KPNA6: variants seen among roughly 807,000 people sequenced by gnomAD.
KPNA6 encodes importin subunit alpha-7.
A neutral mutation model predicts 72.0 loss-of-function variants in KPNA6; 9 were observed. That is an observed-to-expected ratio of 0.13 (90% CI 0.08 to 0.22). KPNA6 has a LOEUF of 0.22. Among genes scored for constraint, KPNA6 ranks in the 10% least tolerant of loss-of-function variants. The pLI, the probability that KPNA6 is intolerant of heterozygous loss-of-function variation, is 1.00. For missense variants in KPNA6, 374 were observed against 655.7 expected (o/e 0.57, Z 4.69); for synonymous variants, 219 against 242.1 (o/e 0.90, Z 0.89).
At chr1:32,140,159 C>CGGAT (rs1641812660) in intron 1 of KPNA6, among the ~76,000 whole-genome samples, 1 of 151,976 alleles carries the variant, frequency 6.6e-6, no homozygotes, top group African/African-American at 2.4e-5. Context: ...CCGAGGCAGG[C>CGGAT]GGATCACAAG....
chr1:32,172,699 G>A lies in KPNA6; in HGVS notation c.*1805G>A, dbSNP rs2124106284. The A allele has an allele frequency of 5.8e-6, 1 of 173,626 alleles. No homozygotes were observed. Among genetic ancestry groups the A allele is most frequent in the African/African-American group, 2.4e-5 (1 of 42,474 alleles). 10.8% of individuals were successfully genotyped at this position (173,626 alleles called of 1,614,324 possible). On this transcript the variant is annotated 3_prime_UTR_variant, in exon 14 of 14. Transcript: ENST00000373625. ...TAGTAAAGCCCACCTGTTTGGATGG[G>A]AGTAGAGGAAGTTGGTGTAGACCAG...
At chr1:32,166,050 A>ACAT in intron 10 of KPNA6, 55 bp from the exon 11 acceptor site, 1 of 1,547,972 alleles carries the variant, frequency 6.5e-7, no homozygotes, top group Admixed American at 2.2e-5. Context: ...AAAACATAAA[A>ACAT]AAAATTAAAA....
chr1:32,151,403 G>C (rs1038391410), intron 1 of KPNA6, among the ~76,000 whole-genome samples: 1 of 152,186 alleles, frequency 6.6e-6, no homozygotes, highest in Non-Finnish European at 1.5e-5. Flanking sequence ...CAGCTTCTCA[G>C]TTGCCCTTTG....
chr1:32,112,395 T>C (rs1641256724), intron 1 of KPNA6, among the ~76,000 whole-genome samples: 1 of 152,202 alleles, frequency 6.6e-6, no homozygotes, highest in Non-Finnish European at 1.5e-5. Context: ...GTCACATGAA[T>C]TTTTCTGTTT....
intron 1 of KPNA6, among the ~76,000 whole-genome samples, chr1:32,128,069 T>A (rs1348895017): frequency 6.6e-6 from 1 of 152,090 alleles, no homozygotes; most frequent in Non-Finnish European, 1.5e-5. Context: ...ATTTTCCTAC[T>A]TTAATTCGTT....
chr1:32,136,127 TAAAC>T (rs1347388526), intron 1 of KPNA6, among the ~76,000 whole-genome samples: 12 of 151,994 alleles, frequency 7.9e-5, no homozygotes, highest in East Asian at 7.8e-4. Context: ...TTTCAAAAAT[TAAAC>T]AAACATTAAA....
At chr1:32,129,609 G>A (rs944649379) in intron 1 of KPNA6, among the ~76,000 whole-genome samples, 8 of 152,118 alleles carry the variant, frequency 5.3e-5, no homozygotes, top group African/African-American at 1.9e-4. Context: ...AGGCTGGAGT[G>A]CAGTAGCGCC....
Position 32,173,340 on chromosome 1 carries a change from TG to T in KPNA6, c.*2447del, listed in dbSNP as rs754286327. 5.3e-6 allele frequency: 2 copies of T among 378,664 alleles called. No homozygotes were observed. Among genetic ancestry groups the T allele is most frequent in the African/African-American group, 4.2e-5 (2 of 48,188 alleles). 23.5% of individuals were successfully genotyped at this position (378,664 alleles called of 1,614,324 possible). ...GACATACACATCCTGCTTGTCCAGCTGTTCCTCCAAAATCTACTTTGGCTTC... is the reference window on the plus strand; with the variant it reads ...GACATACACATCCTGCTTGTCCAGCTTTCCTCCAAAATCTACTTTGGCTTC... On this transcript the variant is annotated 3_prime_UTR_variant, in exon 14 of 14. Transcript: ENST00000373625.
chr1:32,152,906 C>T (rs1490445999), intron 1 of KPNA6, among the ~76,000 whole-genome samples: 2 of 147,370 alleles, frequency 1.4e-5, no homozygotes, highest in African/African-American at 2.5e-5. Context: ...ATCCCAGCTG[C>T]TTGGGAGGCT....
intron 1 of KPNA6, among the ~76,000 whole-genome samples, chr1:32,112,024 C>T (rs1316049212): frequency 4.6e-5 from 7 of 152,182 alleles, no homozygotes; most frequent in Admixed American, 4.6e-4. Context: ...AAACTCTAAA[C>T]CAATCATTGT....
chr1:32,123,804 G>C (rs1302713424), intron 1 of KPNA6, among the ~76,000 whole-genome samples: 5 of 149,774 alleles, frequency 3.3e-5, no homozygotes, highest in Non-Finnish European at 7.4e-5. Flanking sequence ...GGGAGGCCAA[G>C]GCAGGTGGAT....
intron 3 of KPNA6, among the ~76,000 whole-genome samples, 159 bp downstream of exon 3, chr1:32,157,104 A>C (rs1007605221): frequency 6.6e-6 from 1 of 152,226 alleles, no homozygotes; most frequent in African/African-American, 2.4e-5. Context: ...CAAAGATTCA[A>C]CTTTGTTAGA....
At chr1:32,122,002 G>A (rs551735539) in intron 1 of KPNA6, among the ~76,000 whole-genome samples, 130 of 151,076 alleles carry the variant, frequency 8.6e-4, no homozygotes, top group African/African-American at 2.9e-3. Context: ...GGCTGGGCGC[G>A]GTGGCTCACG....
At chr1:32,129,115 C>CCT (rs369152517) in intron 1 of KPNA6, among the ~76,000 whole-genome samples, 1 of 150,846 alleles carries the variant, frequency 6.6e-6, no homozygotes, top group Non-Finnish European at 1.5e-5. Flanking sequence ...TATTTCCCTC[C>CCT]CTCTCTCTCT....
chr1:32,139,592 C>G (rs1641803245), intron 1 of KPNA6, among the ~76,000 whole-genome samples: 1 of 152,136 alleles, frequency 6.6e-6, no homozygotes, highest in African/African-American at 2.4e-5. Flanking sequence ...TAACACAAAA[C>G]TAGAATGTGA....
At chr1:32,148,346 G>A (rs1361669767) in intron 1 of KPNA6, among the ~76,000 whole-genome samples, 1 of 151,654 alleles carries the variant, frequency 6.6e-6, no homozygotes, top group Non-Finnish European at 1.5e-5. Flanking sequence ...GTTTCACCCT[G>A]TTGGCCAGGC....
chr1:32,139,021 G>A (rs1006640376), intron 1 of KPNA6, among the ~76,000 whole-genome samples: 1 of 152,108 alleles, frequency 6.6e-6, no homozygotes, highest in African/African-American at 2.4e-5. Context: ...CCAGTCACAA[G>A]GAAGGTTTCT....
intron 1 of KPNA6, among the ~76,000 whole-genome samples, chr1:32,132,897 C>T (rs1308046119): frequency 1.3e-5 from 2 of 151,732 alleles, no homozygotes; most frequent in African/African-American, 2.4e-5. Flanking sequence ...AGCGAGACTC[C>T]GTCTCAAAGA....
At chr1:32,169,276 C>T (rs890373689) in intron 12 of KPNA6, among the ~76,000 whole-genome samples, 1 of 150,880 alleles carries the variant, frequency 6.6e-6, no homozygotes, top group Non-Finnish European at 1.5e-5. Context: ...GAGGCTGAGG[C>T]AGGAGGATCA....
Sources: gnomAD v4.1 joint callset for allele counts (sites outside exome capture counted in the v4.1 genomes callset) on GRCh38, gnomAD v4.1.1 for gene constraint, MANE v1.5 for transcripts, NCBI Gene and HGNC (gene_info 2026-07-23, HGNC 2026-07-21) for gene names.